Variants in LCT observed in about 807,000 individuals in gnomAD.
LCT encodes lactase, also known as lactase/phlorizin hydrolase.
Under a neutral mutation model 173.0 loss-of-function variants are expected in LCT, and 90 were observed. The ratio of observed to expected loss-of-function variants is 0.52; its 90% CI spans 0.44 to 0.62. The LOEUF (loss-of-function observed/expected upper bound fraction) is 0.62. LCT is among the 20% of genes least tolerant of loss of function. LCT has a pLI of 0.00. For synonymous variants in LCT, 853 were observed against 957.6 expected (o/e 0.89, Z 2.02); for missense variants, 1,864 against 2,431.4 (o/e 0.77, Z 4.91).
intron 8 of LCT, among the ~76,000 whole-genome samples, chr2:135,808,087 G>A (rs180888318): frequency 1.3e-5 from 2 of 152,162 alleles, no homozygotes; most frequent in African/African-American, 4.8e-5. Flanking sequence ...TTGTTCTGGG[G>A]TGCATGGGAT....
chr2:135,805,611 A>G (rs546847998), intron 9 of LCT, among the ~76,000 whole-genome samples: 1 of 152,306 alleles, frequency 6.6e-6, no homozygotes, highest in Admixed American at 6.5e-5. Flanking sequence ...CCATGCTGAG[A>G]GCCAATGTGA....
At chr2:135,815,594 G>A (rs373902836) in intron 6 of LCT, among the ~76,000 whole-genome samples, 7 of 152,126 alleles carry the variant, frequency 4.6e-5, no homozygotes, top group Admixed American at 4.6e-4. Context: ...TGCTACGTGT[G>A]TTAGTGTCAT....
rs375478592 is a variant in LCT, at chr2:135,809,914, G to A, written c.2433C>T (p.Tyr811=). Residue 811 remains tyrosine, a synonymous_variant, in exon 8 of 17, where the codon TAC becomes TAT. Transcript: ENST00000264162. This position sits in a 1 kb window ranked among gnomAD's most constrained non-coding sequence, Gnocchi z 5.5. ...CGTGGTGCAGGCCAAACCGCTGGCTGTAACCAGAAGGGCCTTCGAAGCCAT... is the reference window on the plus strand; with the variant it reads ...CGTGGTGCAGGCCAAACCGCTGGCTATAACCAGAAGGGCCTTCGAAGCCAT... ...LIDGFEGPSG[Y]SQRFGLHHVN... 5.0e-6 allele frequency: 8 copies of A among 1,614,222 alleles called. No homozygotes were observed. In the African/African-American group the frequency reaches 6.7e-5, roughly 13 times the overall value.
intron 3 of LCT, among the ~76,000 whole-genome samples, chr2:135,828,206 G>T (rs1018577026): frequency 7.9e-5 from 12 of 152,242 alleles, no homozygotes; most frequent in Admixed American, 5.2e-4. Flanking sequence ...TGTATTTTTA[G>T]TAGAGATGGG....
intron 8 of LCT, among the ~76,000 whole-genome samples, chr2:135,807,806 CAA>C (rs34014625): frequency 1.5e-3 from 218 of 145,574 alleles, no homozygotes; most frequent in African/African-American, 2.6e-3. Flanking sequence ...GAGACTGTCT[CAA>C]AAAAAAAAAA....
intron 16 of LCT, 87 bp from the exon 17 acceptor site, chr2:135,788,631 A>AC: frequency 1.1e-6 from 1 of 870,790 alleles, no homozygotes; most frequent in South Asian, 1.3e-5. Flanking sequence ...GCTGCACGGT[A>AC]CCCCAAATCC....
Position 135,813,583 on chromosome 2 carries a change from G to C in LCT, c.1708-627C>G, listed in dbSNP as rs145596848. Among the ~76,000 whole-genome samples, 144 of 152,274 alleles carry C rather than the reference G, an allele frequency of 9.5e-4. 1 individual carries two copies. Among genetic ancestry groups the C allele is most frequent in the African/African-American group, 3.2e-3 (134 of 41,548 alleles). On this transcript the variant is annotated intron_variant, in intron 6 of 16. Transcript: ENST00000264162. The stretch of plus-strand genomic sequence containing the variant: ...AGGTACAATTATTATCACCACTATA[G>C]AGATGGTGAAAACAAGATCCAGAGC...
In LCT at chr2:135,808,810, C is replaced by T. The variant is rs777751446; in HGVS notation, c.3537G>A (p.Gln1179=). 5.0e-6 allele frequency: 8 copies of T among 1,613,700 alleles called. No homozygotes were observed. Among genetic ancestry groups the T allele is most frequent in the Middle Eastern group, 1.6e-4 (1 of 6,084 alleles). Residue 1179 remains glutamine, a synonymous_variant, in exon 8 of 17, where the codon CAG becomes CAA. Coordinates refer to ENST00000264162, the MANE Select transcript of LCT (RefSeq NM_002299.4). ...TTGGCAGGCGGGAGGTGGCTAAGTG[C>T]TGCAGTTCACTCCTGTTCCCCACTT... The part of the protein sequence containing the change: ...KWKVGNRSEL[Q]HLATSRLPSF...
intron 2 of LCT, among the ~76,000 whole-genome samples, chr2:135,830,640 T>G (rs146589109): frequency 2.0e-5 from 3 of 152,314 alleles, no homozygotes; most frequent in Non-Finnish European, 4.4e-5. Flanking sequence ...TTCAAAAAAT[T>G]GCAGCCTCAG....
intron 9 of LCT, among the ~76,000 whole-genome samples, chr2:135,805,931 C>T (rs929414513): frequency 6.6e-6 from 1 of 152,104 alleles, no homozygotes; most frequent in Non-Finnish European, 1.5e-5. Flanking sequence ...AATTCCAGCA[C>T]TTTGGGAGGC....
At chr2:135,815,390 A>C (rs912727883) in intron 6 of LCT, among the ~76,000 whole-genome samples, 1 of 152,216 alleles carries the variant, frequency 6.6e-6, no homozygotes, top group African/African-American at 2.4e-5. Flanking sequence ...ACAAGGAGTG[A>C]AACAGAAGAT....
chr2:135,826,815 G>A (rs60605923), intron 3 of LCT, among the ~76,000 whole-genome samples: 1 of 152,126 alleles, frequency 6.6e-6, no homozygotes, highest in African/African-American at 2.4e-5. Flanking sequence ...AGAGTGTTAC[G>A]TAAGGCCCAG....
chr2:135,789,997 G>T (rs2077521398), intron 15 of LCT, among the ~76,000 whole-genome samples, 199 bp from the exon 16 acceptor site: 1 of 152,322 alleles, frequency 6.6e-6, no homozygotes, highest in South Asian at 2.1e-4. Context: ...GGATGGAGAT[G>T]TAGAGCCACC....
Position 135,822,016 on chromosome 2 carries a change from T to A in LCT, c.986+4A>T. ...TGATAGTTCAATAGGCAACCTGACA[T>A]TACCTTTTCTTGGAACTTGATGAAC... On this transcript the variant is annotated splice_donor_region_variant and intron_variant, in intron 5 of 16. Coordinates refer to ENST00000264162, the MANE Select transcript of LCT (RefSeq NM_002299.4). 3 of 1,555,398 alleles carry A rather than the reference T, an allele frequency of 1.9e-6. No homozygotes were observed. The East Asian group carries it at 6.7e-5, about 35-fold the overall frequency.
At chr2:135,827,599 G>A (rs187421582) in intron 3 of LCT, among the ~76,000 whole-genome samples, 19 of 152,278 alleles carry the variant, frequency 1.2e-4, no homozygotes, top group Non-Finnish European at 2.8e-4. Flanking sequence ...ATTTGGGGAT[G>A]AAATTGTTCC....
chr2:135,810,301 AG>A (rs1399825803), intron 7 of LCT: 17 of 264,106 alleles, frequency 6.4e-5, no homozygotes, highest in Admixed American at 9.5e-5. Context: ...TCAATAAAAT[AG>A]TTTTTATTGA....
chr2:135,820,847 A>G (rs1016474995), intron 5 of LCT, among the ~76,000 whole-genome samples: 17 of 151,996 alleles, frequency 1.1e-4, no homozygotes, highest in African/African-American at 3.9e-4. Flanking sequence ...GCATGAAAGC[A>G]ATGTAATTAT....
chr2:135,798,478 C>T (rs2077600305), intron 12 of LCT, among the ~76,000 whole-genome samples: 1 of 152,172 alleles, frequency 6.6e-6, no homozygotes, highest in South Asian at 2.1e-4. Flanking sequence ...AAGGGAGAAC[C>T]CACAAGCCTC....
rs758049527 is a variant in LCT at position 135,822,001 on chromosome 2, A to G, written c.986+19T>C. The G allele has an allele frequency of 1.3e-5, 18 of 1,430,824 alleles. No individual in the cohort carries two copies. The highest frequency in any genetic ancestry group is 2.3e-5 in the South Asian group (2 of 87,216). 88.6% of individuals were successfully genotyped at this position (1,430,824 alleles called of 1,614,324 possible). A position where few individuals can be genotyped will look rare whatever the true frequency, so the allele number is the denominator to read the frequency against. ...ACAAATATCAGTTATTGATAGTTCA[A>G]TAGGCAACCTGACATTACCTTTTCT... On this transcript the variant is annotated intron_variant, in intron 5 of 16. Transcript: ENST00000264162.
Sources: gnomAD v4.1 joint callset for allele counts (sites outside exome capture counted in the v4.1 genomes callset) on GRCh38, gnomAD v4.1.1 for gene constraint, Gnocchi (gnomAD v3.1) non-coding constraint, MANE v1.5 for transcripts, NCBI Gene and HGNC (gene_info 2026-07-23, HGNC 2026-07-21) for gene names.